Variants in BMPR2 observed in about 807,000 individuals in gnomAD.
The protein encoded by BMPR2 is bone morphogenetic protein receptor type-2.
A neutral mutation model predicts 100.8 loss-of-function variants in BMPR2; 29 were observed. That is an observed-to-expected ratio of 0.29 (90% CI 0.21 to 0.39). The LOEUF (loss-of-function observed/expected upper bound fraction) is 0.39, where lower values mean the gene tolerates loss of function less well. Among genes scored for constraint, BMPR2 ranks in the 10% least tolerant of loss-of-function variants. The pLI is 1.00. For missense variants in BMPR2, 1,011 were observed against 1,274.5 expected (o/e 0.79, Z 3.15); for synonymous variants, 382 against 442.3 (o/e 0.86, Z 1.71).
intron 1 of BMPR2, among the ~76,000 whole-genome samples, chr2:202,464,179 A>C (rs1287400386): frequency 6.6e-6 from 1 of 151,582 alleles, no homozygotes; most frequent in African/African-American, 2.4e-5. Flanking sequence ...AAAAAAAAAA[A>C]AAGAATTTTT....
At chr2:202,540,846 G>A (rs989789441) in intron 9 of BMPR2, among the ~76,000 whole-genome samples, 7 of 152,026 alleles carry the variant, frequency 4.6e-5, no homozygotes, top group South Asian at 2.1e-4. Flanking sequence ...CTGTCTTGGC[G>A]TTCTTCCTTC....
chr2:202,383,247 C>CA (rs1690338688), intron 1 of BMPR2, among the ~76,000 whole-genome samples: 2 of 151,876 alleles, frequency 1.3e-5, no homozygotes, highest in South Asian at 4.1e-4. Flanking sequence ...CCCTGCTGTA[C>CA]AAAAAATACA....
At chr2:202,507,990 G>GCACCCAGCTGAGTCTATTATTTCCTTA (rs1361760102) in intron 3 of BMPR2, among the ~76,000 whole-genome samples, 7 of 151,432 alleles carry the variant, frequency 4.6e-5, no homozygotes, top group Non-Finnish European at 8.8e-5. Context: ...GTGAGCCACT[G>GCACCCAGCTGAGTCTATTATTTCCTTA]TGCCTGTCCC....
rs1688292905 is a variant in BMPR2 at position 202,542,379 on chromosome 2, A to G, written c.1345A>G (p.Met449Val). The change falls in exon 10 of 13, where the codon ATG becomes GTG. Residue 449 changes from methionine (M) to valine (V), a missense_variant. Transcript: ENST00000374580. ...TGGAAACCATCCCACTTTTGAGGAT[A>G]TGCAGGTTCTCGTGTCTAGGGAAAA... ...EVGNHPTFEDMQVLVSREKQR... is the reference protein window; with the variant it reads ...EVGNHPTFEDVQVLVSREKQR... The G allele has an allele frequency of 6.2e-7, 1 of 1,614,032 alleles. No individual in the cohort carries two copies. The highest frequency in any genetic ancestry group is 8.5e-7 in the Non-Finnish European group (1 of 1,180,014).
At chr2:202,428,889 G>A (rs1691446079) in intron 1 of BMPR2, among the ~76,000 whole-genome samples, 1 of 152,108 alleles carries the variant, frequency 6.6e-6, no homozygotes, top group Non-Finnish European at 1.5e-5. Context: ...GCCTTTGCAT[G>A]TGCCCATAGT....
At chr2:202,546,008 C>G (rs1465849435) in intron 10 of BMPR2, among the ~76,000 whole-genome samples, 1 of 152,174 alleles carries the variant, frequency 6.6e-6, no homozygotes, top group African/African-American at 2.4e-5. Flanking sequence ...CAAATGGGAT[C>G]TATTATTTTG....
rs538342381 is a variant in BMPR2, at chr2:202,443,531, T to C, written c.77-21278T>C. On this transcript the variant is annotated intron_variant, in intron 1 of 12. Transcript: ENST00000374580. ...TCTCTCTCTTTCTTTCCTTTCTTTC[T>C]CTCTCTCTTTCTGTCTCTCTCTTTC... is the stretch of plus-strand genomic sequence containing the variant. Among the ~76,000 whole-genome samples, 32 of 150,026 alleles carry C rather than the reference T, an allele frequency of 2.1e-4. 1 individual carries two copies. Among genetic ancestry groups the C allele is most frequent in the Admixed American group, 1.8e-3 (27 of 15,196 alleles).
At chr2:202,542,257 T>C (rs570702276) in intron 9 of BMPR2, 54 bp from the exon 10 acceptor site, 1 of 1,599,488 alleles carries the variant, frequency 6.3e-7, no homozygotes, top group Admixed American at 1.7e-5. Context: ...TGTTATTCTA[T>C]CATTTATGAT....
At chr2:202,538,793 CAAAAAA>C (rs34853164) in intron 9 of BMPR2, among the ~76,000 whole-genome samples, 2 of 60,326 alleles carry the variant, frequency 3.3e-5, no homozygotes, top group Non-Finnish European at 6.6e-5. Context: ...GACTCTGTCT[CAAAAAA>C]AAAAAAAAAA....
intron 1 of BMPR2, among the ~76,000 whole-genome samples, chr2:202,454,529 C>G (rs894225568): frequency 3.9e-5 from 6 of 152,108 alleles, no homozygotes; most frequent in African/African-American, 1.4e-4. Flanking sequence ...AAGTAACTTA[C>G]CTACTAACTT....
intron 1 of BMPR2, among the ~76,000 whole-genome samples, chr2:202,461,078 A>G (rs916490380): frequency 1.3e-5 from 2 of 152,062 alleles, no homozygotes; most frequent in Non-Finnish European, 2.9e-5. Flanking sequence ...TCCTGGCCTC[A>G]AGCAGTCCTT....
In BMPR2 at chr2:202,563,457, G is replaced by T. The variant is rs1009387091; in HGVS notation, c.*3511G>T. 8.6e-5 allele frequency: 13 copies of T among 151,866 alleles called. No individual in the cohort carries two copies. Among genetic ancestry groups the T allele is most frequent in the Non-Finnish European group, 1.6e-4 (11 of 67,968 alleles). The allele number at this position is 151,866 out of a possible 1,614,324, so 9.4% of individuals were successfully genotyped here. On this transcript the variant is annotated 3_prime_UTR_variant, in exon 13 of 13. Coordinates refer to ENST00000374580, the MANE Select transcript of BMPR2 (RefSeq NM_001204.7). ...CTCAAAAAAAAAACATAAAAATTCAGTCACTATACTCTGGCACAATTTTCA... is the reference window on the plus strand; with the variant it reads ...CTCAAAAAAAAAACATAAAAATTCATTCACTATACTCTGGCACAATTTTCA...
rs1047155786 is a variant in BMPR2 at position 202,495,192 on chromosome 2, G to A, written c.419-18527G>A. On this transcript the variant is annotated intron_variant, in intron 3 of 12. Transcript: ENST00000374580. The surrounding 1 kb of genome is among the most constrained non-coding windows in gnomAD (Gnocchi z 4.5). ...AGGACAGAGGGATTTCTGTATCCCA[G>A]GGTTTCCTGCCTTGGTGTACGGGAA... is the stretch of plus-strand genomic sequence containing the variant. Among the ~76,000 whole-genome samples, 1 of 152,186 alleles carries A rather than the reference G, an allele frequency of 6.6e-6. No homozygotes were observed. Among genetic ancestry groups the A allele is most frequent in the Non-Finnish European group, 1.5e-5 (1 of 68,036 alleles).
At chr2:202,512,018 T>TA (rs925716028) in intron 3 of BMPR2, among the ~76,000 whole-genome samples, 126 of 137,504 alleles carry the variant, frequency 9.2e-4, no homozygotes, top group East Asian at 5.2e-3. Flanking sequence ...AAGACTCTCT[T>TA]AAAAAAAAAA....
intron 1 of BMPR2, among the ~76,000 whole-genome samples, chr2:202,422,461 C>T (rs1691285301): frequency 6.6e-6 from 1 of 151,630 alleles, no homozygotes; most frequent in South Asian, 2.1e-4. Context: ...TGTCCGCCAC[C>T]ATGCCCGGCT....
intron 1 of BMPR2, among the ~76,000 whole-genome samples, chr2:202,446,961 A>G (rs1179257732): frequency 6.7e-6 from 1 of 149,320 alleles, no homozygotes; most frequent in Non-Finnish European, 1.5e-5. Flanking sequence ...TAAATTTTTA[A>G]AAATGCAGTT....
intron 1 of BMPR2, among the ~76,000 whole-genome samples, chr2:202,427,959 A>G (rs1470071349): frequency 3.3e-5 from 5 of 152,184 alleles, no homozygotes; most frequent in Admixed American, 1.3e-4. Context: ...AGCCTGGGTG[A>G]CAGAGTGAGA....
chr2:202,376,883 CT>C lies in BMPR2; in HGVS notation c.-586del. The C allele has an allele frequency of 2.4e-6, 1 of 410,194 alleles. No individual in the cohort carries two copies. The highest frequency in any genetic ancestry group is 4.1e-5 in the Admixed American group (1 of 24,370). 25.4% of individuals were successfully genotyped at this position (410,194 alleles called of 1,614,324 possible). On this transcript the variant is annotated 5_prime_UTR_variant, in exon 1 of 13. It removes the in-frame stop codon of an upstream open reading frame in the 5' UTR. Transcript: ENST00000374580. ...TGAGCTTGTCCATGGAGGCAGGCAC[CT>C]TTTTTGATCCAGTCAAGGAAGAGGA... is the stretch of plus-strand genomic sequence containing the variant.
At position 202,519,015 on chromosome 2, in the gene BMPR2, G is replaced by T; in HGVS notation, c.815G>T (p.Arg272Leu). The change falls in exon 6 of 13, where the codon CGC (arginine) becomes CTC (leucine). Residue 272 changes from arginine (R) to leucine (L), a missense_variant. Around this residue, in one of 6 missense-constraint regions of BMPR2, gnomAD observed 355 missense variants for 455.3 expected, o/e 0.78. Coordinates refer to ENST00000374580, the MANE Select transcript of BMPR2 (RefSeq NM_001204.7). The part of the protein sequence containing the change: ...VGDERVTADG[R>L]MEYLLVMEYY... ...GATGAGAGAGTCACTGCAGATGGAC[G>T]CATGGAATATTTGCTTGTGATGGAG... 5.6e-6 allele frequency: 9 copies of T among 1,614,072 alleles called. No individual in the cohort carries two copies. Among genetic ancestry groups the T allele is most frequent in the Non-Finnish European group, 7.6e-6 (9 of 1,179,984 alleles).
Sources: gnomAD v4.1 joint callset for allele counts (sites outside exome capture counted in the v4.1 genomes callset) on GRCh38, gnomAD v4.1.1 for gene constraint, gnomAD v4.1.1 regional missense constraint, Gnocchi (gnomAD v3.1) non-coding constraint, MANE v1.5 for transcripts, NCBI Gene and HGNC (gene_info 2026-07-23, HGNC 2026-07-21) for gene names.